Variants in SCYL1 observed in about 807,000 individuals in gnomAD.
SCYL1 encodes SCY1 like pseudokinase 1, also known as N-terminal kinase-like protein.
Under a neutral mutation model 94.8 loss-of-function variants are expected in SCYL1, and 85 were observed. The ratio of observed to expected loss-of-function variants is 0.90; its 90% confidence interval spans 0.75 to 1.07. The LOEUF (loss-of-function observed/expected upper bound fraction) is 1.07. SCYL1 is among the 50% of genes least tolerant of loss of function. SCYL1 has a pLI of 0.00. For synonymous variants in SCYL1, 459 were observed against 435.5 expected (o/e 1.05, Z -0.67); for missense variants, 968 against 1,083.3 (o/e 0.89, Z 1.49).
chr11:65,532,774 C>G lies in SCYL1; in HGVS notation c.1199C>G (p.Thr400Ser). 6.2e-7 allele frequency: 1 copy of G among 1,614,092 alleles called. No homozygotes were observed. The highest frequency in any genetic ancestry group is 8.5e-7 in the Non-Finnish European group (1 of 1,179,944). Reference sequence around the variant, plus strand: ...CACGTCGTACATGGCTTCCTGGACACCAACCCTGCCATCCGGGAGCAGACG... The same window carrying G: ...CACGTCGTACATGGCTTCCTGGACAGCAACCCTGCCATCCGGGAGCAGACG... Reference protein sequence around the residue: ...FPHVVHGFLDTNPAIREQTVK... With the variant: ...FPHVVHGFLDSNPAIREQTVK... The change falls in exon 9 of 18, where the codon ACC (threonine) becomes AGC (serine). Residue 400 changes from threonine to serine, a missense_variant. Around this residue, in one of 2 missense-constraint regions of SCYL1, gnomAD observed 494 missense variants for 619.7 expected, o/e 0.80. Transcript: ENST00000270176.
At chr11:65,533,890 G>T (rs1855515657) in intron 9 of SCYL1, among the ~76,000 whole-genome samples, 1 of 152,170 alleles carries the variant, frequency 6.6e-6, no homozygotes, top group Non-Finnish European at 1.5e-5. Context: ...TTTGAGACCA[G>T]CCTGGCCAAC....
At chr11:65,537,274 TTG>T in intron 14 of SCYL1, 146 bp downstream of exon 14, 4 of 892,840 alleles carry the variant, frequency 4.5e-6, no homozygotes, top group Non-Finnish European at 6.9e-6. Context: ...GGAGTGGCCA[TTG>T]TAGGCCAGAG....
chr11:65,533,456 T>C (rs901010102), intron 9 of SCYL1, among the ~76,000 whole-genome samples: 5 of 152,086 alleles, frequency 3.3e-5, no homozygotes, highest in African/African-American at 1.2e-4. Context: ...TGTTGGAAAG[T>C]GTGGGGAGAA....
intron 9 of SCYL1, among the ~76,000 whole-genome samples, chr11:65,533,686 A>G (rs540067754): frequency 1.3e-5 from 2 of 152,218 alleles, no homozygotes; most frequent in South Asian, 4.1e-4. Flanking sequence ...AGGCTGAGGC[A>G]GGTAGGTAGC....
chr11:65,532,120 C>T (rs1472194219), intron 8 of SCYL1, among the ~76,000 whole-genome samples: 1 of 152,078 alleles, frequency 6.6e-6, no homozygotes. Context: ...GGGGTGATAC[C>T]CTCATTTATA....
Position 65,525,222 on chromosome 11 carries a change from C to A in SCYL1, c.69C>A (p.Gly23=), listed in dbSNP as rs1374909238. 1.4e-6 allele frequency: 2 copies of A among 1,454,524 alleles called. No individual in the cohort carries two copies. Among genetic ancestry groups the A allele is most frequent in the Non-Finnish European group, 1.8e-6 (2 of 1,099,484 alleles). 90.1% of individuals were successfully genotyped at this position (1,454,524 alleles called of 1,614,324 possible). ...PFELIPEPPE[G]GLPGPWALHR... ...AGCTCATCCCGGAGCCCCCAGAGGG[C>A]GGCCTGCCCGGGCCCTGGGCCCTGC... is the stretch of plus-strand genomic sequence containing the variant. Residue 23 remains glycine (G), a synonymous_variant, in exon 1 of 18, where the codon GGC becomes GGA. Coordinates refer to ENST00000270176, the MANE Select transcript of SCYL1 (RefSeq NM_020680.4).
chr11:65,538,430 TC>T lies in SCYL1; in HGVS notation c.2303-10del. 1 of 1,546,532 alleles carries T rather than the reference TC, an allele frequency of 6.5e-7. No individual in the cohort carries two copies. The highest frequency in any genetic ancestry group is 1.2e-5 in the South Asian group (1 of 84,382). On this transcript the variant is annotated splice_polypyrimidine_tract_variant and intron_variant, in intron 17 of 17. Transcript: ENST00000270176. ...GGAGAGCTGAGACCGGGGCTCCCCT[TC>T]CTGACGCCAGGACAGGTCAAGGCTG...
At position 65,526,830 on chromosome 11, in the gene SCYL1, A is replaced by G. The variant is rs779429043; in HGVS notation, c.650A>G (p.Asn217Ser). 3.7e-5 allele frequency: 60 copies of G among 1,613,206 alleles called. 1 individual carries two copies. In the Middle Eastern group the frequency reaches 1.2e-3, roughly 31 times the overall value. The change falls in exon 5 of 18, where the codon AAT (asparagine) becomes AGT (serine). Residue 217 changes from asparagine (N) to serine (S), a missense_variant. Physicochemically the swap from Asn to Ser is conservative, Grantham distance 46. Transcript: ENST00000270176. This position sits in a 1 kb window ranked among gnomAD's most constrained non-coding sequence, Gnocchi z 4.1. ...GGCTGCCTCATTTGGGAAGTCTTCA[A>G]TGGGCCCCTACCTCGGGCAGCAGCC... ...RLGCLIWEVFNGPLPRAAALR... is the reference protein window; with the variant it reads ...RLGCLIWEVFSGPLPRAAALR...
intron 2 of SCYL1, 55 bp downstream of exon 2, chr11:65,525,769 C>A (rs946479784): frequency 1.2e-6 from 2 of 1,602,914 alleles, no homozygotes; most frequent in African/African-American, 1.3e-5. Flanking sequence ...TGGTTACCCA[C>A]TCCTGTCTCC....
rs999192199 is a variant in SCYL1 at position 65,525,498 on chromosome 11, G to A, written c.112-76G>A. 2.6e-6 allele frequency: 4 copies of A among 1,548,140 alleles called. No homozygotes were observed. The African/African-American group carries it at 5.4e-5, about 21-fold the overall frequency. ...TGTCCCTAAGGCTGACCTGGGGAGA[G>A]ACCTGGCTGCGGGCCCTTGTCTTCC... On this transcript the variant is annotated intron_variant, in intron 1 of 17. Transcript: ENST00000270176.
chr11:65,530,976 T>C (rs1404242217), intron 7 of SCYL1, among the ~76,000 whole-genome samples, 189 bp downstream of exon 7: 1 of 152,118 alleles, frequency 6.6e-6, no homozygotes, highest in Non-Finnish European at 1.5e-5. Context: ...GCTAAAATCC[T>C]TTTTTCCACA....
At chr11:65,535,728 C>T in intron 10 of SCYL1, 1 of 584,834 alleles carries the variant, frequency 1.7e-6, no homozygotes, top group East Asian at 2.9e-5. Flanking sequence ...CTGGGGACAG[C>T]TGCTGTTGTG....
rs200614035 is a variant in SCYL1 at position 65,532,749 on chromosome 11, C to A, written c.1174C>A (p.His392Asn). The A allele has an allele frequency of 4.3e-6, 7 of 1,614,148 alleles. No homozygotes were observed. Among genetic ancestry groups the A allele is most frequent in the East Asian group, 4.5e-5 (2 of 44,886 alleles). Residue 392 changes from histidine (H) to asparagine (N), a missense_variant, in exon 9 of 18, where the codon CAC becomes AAC. His to Asn is a moderately conservative substitution (Grantham distance 68). Around this residue, in one of 2 missense-constraint regions of SCYL1, gnomAD observed 494 missense variants for 619.7 expected, o/e 0.80. Coordinates refer to ENST00000270176, the MANE Select transcript of SCYL1 (RefSeq NM_020680.4). ...EPTVNTQIFP[H>N]VVHGFLDTNP... The stretch of plus-strand genomic sequence containing the variant: ...AACAGTCAACACCCAGATCTTCCCC[C>A]ACGTCGTACATGGCTTCCTGGACAC...
intron 6 of SCYL1, 41 bp from the exon 7 acceptor site, chr11:65,530,588 C>T (rs746988690): frequency 4.0e-5 from 63 of 1,586,716 alleles, no homozygotes; most frequent in Non-Finnish European, 5.2e-5. Flanking sequence ...GGGCTGCAAC[C>T]AGGCTGATCT....
Position 65,526,012 on chromosome 11 carries a change from T to C in SCYL1, c.344T>C (p.Leu115Pro). 1 of 1,613,146 alleles carries C rather than the reference T, an allele frequency of 6.2e-7. No homozygotes were observed. The highest frequency in any genetic ancestry group is 1.1e-5 in the South Asian group (1 of 91,068). Residue 115 changes from leucine to proline, a missense_variant, in exon 3 of 18, where the codon CTG (leucine) becomes CCG (proline). Coordinates refer to ENST00000270176, the MANE Select transcript of SCYL1 (RefSeq NM_020680.4). This position sits in a 1 kb window ranked among gnomAD's most constrained non-coding sequence, Gnocchi z 4.1. ...ARVEAGGLKE[L>P]EISWGLHQIV... ...GTGGAGGCTGGTGGCCTGAAGGAGCTGGAGATCTCCTGGGGGCTACACCAG... is the reference window on the plus strand; with the variant it reads ...GTGGAGGCTGGTGGCCTGAAGGAGCCGGAGATCTCCTGGGGGCTACACCAG...
At chr11:65,530,829 A>G (rs1372025813) in intron 7 of SCYL1, 42 bp downstream of exon 7, 1 of 1,570,780 alleles carries the variant, frequency 6.4e-7, no homozygotes. Context: ...CTGGGTGCAC[A>G]GGAACTGCCA....
chr11:65,534,562 T>G (rs1242785261), intron 9 of SCYL1, among the ~76,000 whole-genome samples: 2 of 152,032 alleles, frequency 1.3e-5, no homozygotes, highest in Admixed American at 6.6e-5. Flanking sequence ...AGATGTCGAG[T>G]TGGCCACTGG....
chr11:65,526,936 C>T lies in SCYL1; in HGVS notation c.694-26C>T. 2 of 1,610,264 alleles carry T rather than the reference C, an allele frequency of 1.2e-6. No homozygotes were observed. Among genetic ancestry groups the T allele is most frequent in the Non-Finnish European group, 1.7e-6 (2 of 1,177,362 alleles). On this transcript the variant is annotated intron_variant, in intron 5 of 17. Coordinates refer to ENST00000270176, the MANE Select transcript of SCYL1 (RefSeq NM_020680.4). This position sits in a 1 kb window ranked among gnomAD's most constrained non-coding sequence, Gnocchi z 4.1. ...CCCCTCTGCCAGCTGGCTACCCCTG[C>T]CCTGACACTGACCCCTCCCCTACAG... is the stretch of plus-strand genomic sequence containing the variant.
chr11:65,533,060 G>A (rs1205668906), intron 9 of SCYL1: 5 of 466,424 alleles, frequency 1.1e-5, no homozygotes, highest in Middle Eastern at 6.0e-4. Flanking sequence ...CCAGCCCCCT[G>A]CACTCATGGA....
Sources: allele counts gnomAD v4.1 joint callset (sites outside exome capture counted in the v4.1 genomes callset), GRCh38; gene constraint gnomAD v4.1.1; regional missense constraint gnomAD v4.1.1; non-coding constraint Gnocchi (gnomAD v3.1); transcripts MANE v1.5; gene names NCBI Gene and HGNC (gene_info 2026-07-23, HGNC 2026-07-21).